Variants in SLC35F1 observed in about 807,000 individuals in gnomAD.
The protein encoded by SLC35F1 is solute carrier family 35 member F1, also known as chromosome 6 open reading frame 169.
A neutral mutation model predicts 48.7 loss-of-function variants in SLC35F1; 14 were observed. The observed-to-expected ratio is 0.29, with a 90% confidence interval of 0.19 to 0.45. SLC35F1 has a LOEUF of 0.45. Ranked by LOEUF, SLC35F1 falls within the 20% of genes least tolerant of loss-of-function variation. The pLI is 1.00. For missense variants in SLC35F1, 404 were observed against 500.0 expected (o/e 0.81, Z 1.83); for synonymous variants, 190 against 202.2 (o/e 0.94, Z 0.51).
At chr6:118,081,695 G>T (rs117360726) in intron 1 of SLC35F1, among the ~76,000 whole-genome samples, 1,635 of 152,234 alleles carry the variant, frequency 0.011, 32 homozygotes, top group South Asian at 0.069. Context: ...TTCTGCAAAT[G>T]GTATAATCTG....
intron 2 of SLC35F1, among the ~76,000 whole-genome samples, chr6:118,187,728 G>C (rs1488347786): frequency 6.6e-6 from 1 of 152,176 alleles, no homozygotes; most frequent in Non-Finnish European, 1.5e-5. Flanking sequence ...GCCTGAGCCA[G>C]AAAACAAAAT....
At chr6:118,313,174 G>A (rs939836530) in intron 7 of SLC35F1, among the ~76,000 whole-genome samples, 2 of 152,156 alleles carry the variant, frequency 1.3e-5, no homozygotes, top group Non-Finnish European at 2.9e-5. Flanking sequence ...AGTGAATGAA[G>A]GAATGAATGA....
intron 2 of SLC35F1, among the ~76,000 whole-genome samples, chr6:118,228,310 T>A (rs62421472): frequency 6.6e-6 from 1 of 151,890 alleles, no homozygotes; most frequent in East Asian, 1.9e-4. Context: ...TCATACTAAA[T>A]GGAATAGTTT....
At chr6:118,302,057 G>A (rs1319767051) in intron 7 of SLC35F1, among the ~76,000 whole-genome samples, 4 of 152,086 alleles carry the variant, frequency 2.6e-5, no homozygotes, top group Admixed American at 6.6e-5. Context: ...CCAGTTTTAA[G>A]TGAAGTGTCT....
intron 2 of SLC35F1, among the ~76,000 whole-genome samples, chr6:118,192,079 A>G (rs1446675545): frequency 9.9e-5 from 15 of 152,146 alleles, no homozygotes; most frequent in Admixed American, 9.8e-4. Context: ...TTAATATTGG[A>G]CTTATATCCT....
chr6:118,102,145 C>T (rs1203045775), intron 1 of SLC35F1, among the ~76,000 whole-genome samples: 1 of 152,178 alleles, frequency 6.6e-6, no homozygotes, highest in African/African-American at 2.4e-5. Context: ...GCAACATAAA[C>T]TGGCACACAA....
In SLC35F1 at chr6:118,052,243, T is replaced by A. The variant is rs566994119; in HGVS notation, c.174-102202T>A. On this transcript the variant is annotated intron_variant, in intron 1 of 7. Coordinates refer to ENST00000360388, the MANE Select transcript of SLC35F1 (RefSeq NM_001029858.4). ...AACACCATCTGTAAACAACTCACCA[T>A]GTAAAAAGAAATTTTTTCTTCCCCA... is the stretch of plus-strand genomic sequence containing the variant. Among the ~76,000 whole-genome samples the A allele has an allele frequency of 3.9e-3, 592 of 152,236 alleles. 5 individuals are homozygous for A. Among genetic ancestry groups the A allele is most frequent in the African/African-American group, 0.013 (555 of 41,556 alleles).
intron 1 of SLC35F1, among the ~76,000 whole-genome samples, chr6:118,128,499 A>C (rs1207771945): frequency 6.6e-6 from 1 of 152,024 alleles, no homozygotes; most frequent in African/African-American, 2.4e-5. Context: ...TGATGAGTTC[A>C]TGTCCTTTGT....
chr6:118,171,031 T>C (rs1176822690), intron 2 of SLC35F1, among the ~76,000 whole-genome samples: 1 of 152,062 alleles, frequency 6.6e-6, no homozygotes, highest in South Asian at 2.1e-4. Flanking sequence ...CTTGCTTTTT[T>C]CTTTGTTCTT....
intron 1 of SLC35F1, among the ~76,000 whole-genome samples, chr6:117,953,616 A>G (rs1263962571): frequency 4.6e-5 from 7 of 152,158 alleles, no homozygotes; most frequent in Admixed American, 3.9e-4. Flanking sequence ...CCCAGTGTAA[A>G]AGTTGTTGTT....
At chr6:118,285,118 T>C in intron 6 of SLC35F1, 66 bp from the exon 7 acceptor site, 2 of 1,570,880 alleles carry the variant, frequency 1.3e-6, no homozygotes, top group South Asian at 1.1e-5. Flanking sequence ...CCTTCTTTCC[T>C]GCTGTGGATG....
chr6:118,286,042 G>A (rs2114642426), intron 7 of SLC35F1, among the ~76,000 whole-genome samples: 1 of 152,272 alleles, frequency 6.6e-6, no homozygotes, highest in Middle Eastern at 3.4e-3. Context: ...CACACTCACT[G>A]CTGCCAATAA....
chr6:118,236,578 C>T (rs1055315162), intron 3 of SLC35F1, among the ~76,000 whole-genome samples: 1 of 152,154 alleles, frequency 6.6e-6, no homozygotes, highest in Non-Finnish European at 1.5e-5. Context: ...ACTATCTACA[C>T]CTGACTTAGT....
chr6:117,970,804 A>G (rs1020288098), intron 1 of SLC35F1, among the ~76,000 whole-genome samples: 3 of 152,176 alleles, frequency 2.0e-5, no homozygotes, highest in Non-Finnish European at 4.4e-5. Flanking sequence ...AGCATGGGGA[A>G]GACTCGCCCC....
intron 1 of SLC35F1, among the ~76,000 whole-genome samples, chr6:118,137,417 A>G (rs913840118): frequency 2.0e-5 from 3 of 152,108 alleles, no homozygotes; most frequent in Non-Finnish European, 4.4e-5. Context: ...TCTGACACCA[A>G]TTGTCTTGGA....
chr6:118,240,299 T>C (rs1775420490), intron 3 of SLC35F1, among the ~76,000 whole-genome samples: 1 of 152,182 alleles, frequency 6.6e-6, no homozygotes, highest in Non-Finnish European at 1.5e-5. Context: ...GTCAAGAAAG[T>C]GTCCATTCAG....
At chr6:118,122,423 A>G (rs1386248009) in intron 1 of SLC35F1, among the ~76,000 whole-genome samples, 1 of 152,214 alleles carries the variant, frequency 6.6e-6, no homozygotes, top group Non-Finnish European at 1.5e-5. Context: ...TCATTAAACA[A>G]GCTTTTGCCA....
chr6:118,237,574 G>C (rs1241803691), intron 3 of SLC35F1, among the ~76,000 whole-genome samples: 1 of 152,084 alleles, frequency 6.6e-6, no homozygotes, highest in Non-Finnish European at 1.5e-5. Flanking sequence ...AGTTTTTCTA[G>C]AGATGGGATT....
intron 1 of SLC35F1, among the ~76,000 whole-genome samples, chr6:118,033,945 CTT>C (rs1772089924): frequency 6.6e-6 from 1 of 152,154 alleles, no homozygotes; most frequent in African/African-American, 2.4e-5. Flanking sequence ...ATAGGACTCT[CTT>C]ACGTATTTAT....
Sources: gnomAD v4.1 joint callset for allele counts (sites outside exome capture counted in the v4.1 genomes callset) on GRCh38, gnomAD v4.1.1 for gene constraint, MANE v1.5 for transcripts, NCBI Gene and HGNC (gene_info 2026-07-23, HGNC 2026-07-21) for gene names.